Variants in CHD2 observed in about 807,000 individuals in gnomAD.
CHD2 encodes the protein chromodomain helicase DNA binding protein 2.
Under a neutral mutation model 243.9 loss-of-function variants are expected in CHD2, and 28 were observed. The observed-to-expected ratio is 0.11, with a 90% CI of 0.09 to 0.16. CHD2 has a LOEUF of 0.16. CHD2 is among the 10% of genes least tolerant of loss of function. CHD2 has a pLI of 1.00. For missense variants in CHD2, 1,386 were observed against 2,209.8 expected (o/e 0.63, Z 7.47); for synonymous variants, 775 against 779.0 (o/e 0.99, Z 0.09).
intron 2 of CHD2, chr15:92,901,536 G>T: frequency 3.7e-6 from 2 of 541,936 alleles, no homozygotes; most frequent in Non-Finnish European, 3.3e-6. Context: ...CAAAAGGTAA[G>T]GTACCTTTAT....
chr15:92,962,218 C>T (rs1046442976), intron 16 of CHD2, among the ~76,000 whole-genome samples: 9 of 151,566 alleles, frequency 5.9e-5, no homozygotes, highest in African/African-American at 1.9e-4. Context: ...CAAAGGTTGC[C>T]GTCCTTTGCT....
Position 92,998,724 on chromosome 15 carries a change from C to A in CHD2, c.4008+103C>A. 7.3e-7 allele frequency: 1 copy of A among 1,365,534 alleles called. No homozygotes were observed. The highest frequency in any genetic ancestry group is 1.0e-6 in the Non-Finnish European group (1 of 1,002,662). 84.6% of individuals were successfully genotyped at this position (1,365,534 alleles called of 1,614,324 possible). A position where few individuals can be genotyped will look rare whatever the true frequency, so the allele number is the denominator to read the frequency against. ...CCTCTCTGAGCACTGCACAGAATGT[C>A]ACCTTCTCATGGGCATATTTTGTTT... is the stretch of plus-strand genomic sequence containing the variant. On this transcript the variant is annotated intron_variant, in intron 31 of 38. Coordinates refer to ENST00000394196, the MANE Select transcript of CHD2 (RefSeq NM_001271.4). This position sits in a 1 kb window ranked among gnomAD's most constrained non-coding sequence, Gnocchi z 5.1.
At chr15:92,904,305 C>T in intron 2 of CHD2, 1 of 287,348 alleles carries the variant, frequency 3.5e-6, no homozygotes. Flanking sequence ...CCGGCGCCGG[C>T]GCGGGGTGCT....
rs531113260 is a variant in CHD2 at position 92,976,784 on chromosome 15, C to T, written c.2578-1450C>T. On this transcript the variant is annotated intron_variant, in intron 20 of 38. Coordinates refer to ENST00000394196, the MANE Select transcript of CHD2 (RefSeq NM_001271.4). The stretch of plus-strand genomic sequence containing the variant: ...TGCATAGTATTGTGTGCTTGTAGTT[C>T]CAGCTGTTCAGGAGACAGGCAGGAG... Among the ~76,000 whole-genome samples the T allele has an allele frequency of 2.9e-3, 436 of 151,604 alleles. 3 individuals are homozygous for T. The highest frequency in any genetic ancestry group is 4.8e-3 in the Non-Finnish European group (323 of 67,894).
chr15:92,928,821 T>C (rs1172522867), intron 4 of CHD2, among the ~76,000 whole-genome samples: 1 of 152,218 alleles, frequency 6.6e-6, no homozygotes, highest in East Asian at 1.9e-4. Context: ...TTCCTGGCTT[T>C]AGAGATAACT....
intron 14 of CHD2, chr15:92,953,875 TA>T (rs1348728924): frequency 3.3e-6 from 1 of 303,932 alleles, no homozygotes; most frequent in Non-Finnish European, 6.2e-6. Flanking sequence ...TATGAGATAA[TA>T]TGGAGTTAAT....
In CHD2 at chr15:92,956,396, C is replaced by G. The variant is rs775917930; in HGVS notation, c.1810-63C>G. On this transcript the variant is annotated intron_variant, in intron 15 of 38. Transcript: ENST00000394196. ...GGTATTTATACAGAGATAATTAACA[C>G]TTGAAAGCACTTGTGGGTTCCCTTC... The G allele has an allele frequency of 9.8e-6, 12 of 1,228,534 alleles. No homozygotes were observed. The African/African-American group carries it at 1.7e-4, about 17-fold the overall frequency. 76.1% of individuals were successfully genotyped at this position (1,228,534 alleles called of 1,614,324 possible). A position where few individuals can be genotyped will look rare whatever the true frequency, so the allele number is the denominator to read the frequency against.
intron 5 of CHD2, among the ~76,000 whole-genome samples, chr15:92,934,542 A>G (rs571711825): frequency 2.0e-5 from 3 of 152,340 alleles, no homozygotes; most frequent in South Asian, 4.1e-4. Context: ...CTTACAATGT[A>G]TGGCTTAGTG....
chr15:92,901,206 C>T lies in CHD2; in HGVS notation c.-32C>T, dbSNP rs376063490. On this transcript the variant is annotated 5_prime_UTR_variant, in exon 2 of 39. Transcript: ENST00000394196. The stretch of plus-strand genomic sequence containing the variant: ...CAGGACTTCAAAGCAAACACAGATT[C>T]CCCCTCCCCCTTAATATTTAAGAAT... 1.3e-5 allele frequency: 17 copies of T among 1,351,970 alleles called. No individual in the cohort carries two copies. Among genetic ancestry groups the T allele is most frequent in the Middle Eastern group, 1.8e-4 (1 of 5,596 alleles). The allele number at this position is 1,351,970 out of a possible 1,614,324, so 83.7% of individuals were successfully genotyped here.
In CHD2 at chr15:92,904,035, C is replaced by G. The variant is rs75852697; in HGVS notation, c.62+2736C>G. Among the ~76,000 whole-genome samples the G allele has an allele frequency of 5.4e-3, 829 of 152,314 alleles. 7 individuals carry two copies. Among genetic ancestry groups the G allele is most frequent in the African/African-American group, 0.018 (767 of 41,568 alleles). The stretch of plus-strand genomic sequence containing the variant: ...TTAAAAAACGGGATTTTGGAGAAGA[C>G]TGAATCTAAACTAATAGAAATCTGA... On this transcript the variant is annotated intron_variant, in intron 2 of 38. Coordinates refer to ENST00000394196, the MANE Select transcript of CHD2 (RefSeq NM_001271.4).
chr15:92,945,876 A>C lies in CHD2; in HGVS notation c.1198+11A>C. ...AAACAGATTTTCCAGGTAAGCAAGA[A>C]ATTTTATTTATAAATGTTCTTCAAC... On this transcript the variant is annotated intron_variant, in intron 11 of 38. Coordinates refer to ENST00000394196, the MANE Select transcript of CHD2 (RefSeq NM_001271.4). 1 of 1,571,784 alleles carries C rather than the reference A, an allele frequency of 6.4e-7. No individual in the cohort carries two copies. Among genetic ancestry groups the C allele is most frequent in the East Asian group, 2.3e-5 (1 of 44,344 alleles).
intron 2 of CHD2, among the ~76,000 whole-genome samples, chr15:92,904,040 TCTAAA>T (rs1157385741): frequency 2.6e-5 from 4 of 152,206 alleles, no homozygotes; most frequent in Admixed American, 6.5e-5. Flanking sequence ...GAAGACTGAA[TCTAAA>T]CTAATAGAAA....
At position 92,944,429 on chromosome 15, in the gene CHD2, C is replaced by G. The variant is rs762894780; in HGVS notation, c.1067C>G (p.Ser356Cys). 4 of 1,605,938 alleles carry G rather than the reference C, an allele frequency of 2.5e-6. No individual in the cohort carries two copies. The South Asian group carries it at 3.3e-5, about 13-fold the overall frequency. ...DEIKQWLGKVSPEDVEYFNCQ... is the reference protein window; with the variant it reads ...DEIKQWLGKVCPEDVEYFNCQ... The stretch of plus-strand genomic sequence containing the variant: ...CTGCCATTCAGGTTAGGGAAAGTTT[C>G]TCCTGAAGATGTAGAATATTTCAAT... The change falls in exon 10 of 39, where the codon TCT becomes TGT. Residue 356 changes from serine to cysteine, a missense_variant. By Grantham distance (112) the Ser-to-Cys change is moderately radical (BLOSUM62 -1). Coordinates refer to ENST00000394196, the MANE Select transcript of CHD2 (RefSeq NM_001271.4).
At chr15:92,962,756 T>C (rs947913144) in intron 16 of CHD2, among the ~76,000 whole-genome samples, 1 of 152,240 alleles carries the variant, frequency 6.6e-6, no homozygotes, top group African/African-American at 2.4e-5. Context: ...AATTTTTAAC[T>C]GTAGTTGAGT....
intron 18 of CHD2, 67 bp from the exon 19 acceptor site, chr15:92,972,198 G>T (rs2053850403): frequency 2.7e-6 from 4 of 1,501,496 alleles, no homozygotes; most frequent in Non-Finnish European, 1.8e-6. Flanking sequence ...ATATGGATTT[G>T]TAGAGATTAG....
At chr15:92,917,764 CTG>C (rs2052869798) in intron 2 of CHD2, among the ~76,000 whole-genome samples, 1 of 152,150 alleles carries the variant, frequency 6.6e-6, no homozygotes, top group African/African-American at 2.4e-5. Context: ...ATAATTCAGA[CTG>C]TGGGGTGATA....
chr15:92,974,627 T>C, intron 19 of CHD2: 1 of 376,292 alleles, frequency 2.7e-6, no homozygotes, highest in East Asian at 5.6e-5. Flanking sequence ...TGGCAGCCAT[T>C]CTGATCCTTG....
At chr15:92,904,735 AG>A in intron 2 of CHD2, 1 of 1,395,178 alleles carries the variant, frequency 7.2e-7, no homozygotes, top group Non-Finnish European at 9.3e-7. Flanking sequence ...AAATTTGCCC[AG>A]TTTTACATTT....
At position 92,972,247 on chromosome 15, in the gene CHD2, T is replaced by C. The variant is rs747253297; in HGVS notation, c.2353-18T>C. 26 of 1,598,602 alleles carry C rather than the reference T, an allele frequency of 1.6e-5. No individual in the cohort carries two copies. The highest frequency in any genetic ancestry group is 1.8e-5 in the Admixed American group (1 of 54,868). On this transcript the variant is annotated intron_variant, in intron 18 of 38. Transcript: ENST00000394196. ...TTGTGTTTCAACATAATTATTGGAATGTCTTTTAAATCTTCAGTCCCTCAT... is the reference window on the plus strand; with the variant it reads ...TTGTGTTTCAACATAATTATTGGAACGTCTTTTAAATCTTCAGTCCCTCAT...
Sources: gnomAD v4.1 joint callset for allele counts (sites outside exome capture counted in the v4.1 genomes callset) on GRCh38, gnomAD v4.1.1 for gene constraint, Gnocchi (gnomAD v3.1) non-coding constraint, MANE v1.5 for transcripts, NCBI Gene and HGNC (gene_info 2026-07-23, HGNC 2026-07-21) for gene names.